RBM20: variants seen among roughly 807,000 people sequenced by gnomAD.
RBM20 encodes RNA-binding protein 20.
RBM20 carries 51 observed loss-of-function variants against 110.1 expected under a neutral mutation model. The ratio of observed to expected loss-of-function variants is 0.46; its 90% CI spans 0.37 to 0.59. RBM20 has a LOEUF of 0.59. Ranked by LOEUF, RBM20 falls within the 20% of genes least tolerant of loss-of-function variation. The pLI is 0.00. For missense variants in RBM20, 1,512 were observed against 1,574.9 expected (o/e 0.96, Z 0.68); for synonymous variants, 589 against 618.2 (o/e 0.95, Z 0.70).
intron 1 of RBM20, among the ~76,000 whole-genome samples, chr10:110,723,644 G>A (rs1843532620): frequency 6.6e-6 from 1 of 152,178 alleles, no homozygotes; most frequent in Admixed American, 6.5e-5. Context: ...GAAACTCATT[G>A]TGGTTTTGAT....
intron 1 of RBM20, among the ~76,000 whole-genome samples, chr10:110,663,227 G>C (rs949545029): frequency 2.6e-5 from 4 of 152,142 alleles, no homozygotes; most frequent in African/African-American, 9.7e-5. Context: ...CAAAGGGCTA[G>C]GATTACAGGC....
chr10:110,649,135 C>T (rs769477046), intron 1 of RBM20, among the ~76,000 whole-genome samples: 1 of 152,050 alleles, frequency 6.6e-6, no homozygotes, highest in Non-Finnish European at 1.5e-5. Context: ...GATCTCTTTG[C>T]CAGTCCTAAT....
chr10:110,822,471 T>C (rs911564217), intron 11 of RBM20: 6 of 456,716 alleles, frequency 1.3e-5, no homozygotes, highest in African/African-American at 1.2e-4. Context: ...ATTCTCTCAC[T>C]CCATTGGAGG....
At chr10:110,695,932 T>C (rs2134884064) in intron 1 of RBM20, among the ~76,000 whole-genome samples, 1 of 152,308 alleles carries the variant, frequency 6.6e-6, no homozygotes, top group Admixed American at 6.5e-5. Context: ...CACTGATGCA[T>C]TGTGATATTT....
chr10:110,759,874 G>A (rs1843972655), intron 1 of RBM20, among the ~76,000 whole-genome samples: 1 of 152,204 alleles, frequency 6.6e-6, no homozygotes, highest in African/African-American at 2.4e-5. Context: ...AAAGGTGTAA[G>A]AAACAAAGCA....
chr10:110,740,348 G>A (rs1409828898), intron 1 of RBM20, among the ~76,000 whole-genome samples: 9 of 152,144 alleles, frequency 5.9e-5, no homozygotes, highest in Admixed American at 5.2e-4. Context: ...TTTAAGTTGG[G>A]TGTTTTTGAA....
At chr10:110,652,484 C>G (rs181815830) in intron 1 of RBM20, among the ~76,000 whole-genome samples, 4 of 152,012 alleles carry the variant, frequency 2.6e-5, no homozygotes, top group African/African-American at 9.7e-5. Context: ...TTTTCCTAAC[C>G]GTCTGTACCT....
Position 110,829,389 on chromosome 10 carries a change from C to T in RBM20, c.3452-1672C>T, listed in dbSNP as rs530086998. On this transcript the variant is annotated intron_variant, in intron 12 of 13. Coordinates refer to ENST00000369519, the MANE Select transcript of RBM20 (RefSeq NM_001134363.3). ...AAGGGAAGGACACTCAACCTCCCTC[C>T]GGGCACCTGGGCCTGAGTGAGGCCC... is the stretch of plus-strand genomic sequence containing the variant. Among the ~76,000 whole-genome samples, 14 of 152,296 alleles carry T rather than the reference C, an allele frequency of 9.2e-5. No individual in the cohort carries two copies. The South Asian group carries it at 1.7e-3, about 18-fold the overall frequency.
At chr10:110,831,216 G>A in intron 13 of RBM20, 34 bp downstream of exon 13, 1 of 1,544,996 alleles carries the variant, frequency 6.5e-7, no homozygotes, top group Non-Finnish European at 8.8e-7. Context: ...AGCATGCCAG[G>A]GGCTCCCCAG....
chr10:110,730,700 C>G (rs1590641496), intron 1 of RBM20, among the ~76,000 whole-genome samples: 1 of 152,236 alleles, frequency 6.6e-6, no homozygotes, highest in East Asian at 1.9e-4. Flanking sequence ...ATTGAGTGCT[C>G]CCTTTCCAAT....
intron 1 of RBM20, among the ~76,000 whole-genome samples, chr10:110,725,795 G>T (rs1843553834): frequency 6.6e-6 from 1 of 152,240 alleles, no homozygotes; most frequent in African/African-American, 2.4e-5. Context: ...CAATTGTATG[G>T]CATATAGCTG....
intron 1 of RBM20, among the ~76,000 whole-genome samples, chr10:110,704,691 T>A (rs1180186546): frequency 6.6e-6 from 1 of 152,140 alleles, no homozygotes; most frequent in East Asian, 1.9e-4. Flanking sequence ...ACATGTGTCA[T>A]CTTAGCTCTG....
In RBM20 at chr10:110,781,868, A is replaced by G. The variant is rs727505308; in HGVS notation, c.1259A>G (p.Lys420Arg). 2.6e-6 allele frequency: 4 copies of G among 1,551,726 alleles called. No homozygotes were observed. Among genetic ancestry groups the G allele is most frequent in the Non-Finnish European group, 2.6e-6 (3 of 1,147,012 alleles). ...CATATCTGTAGCATCTGTGACAAGA[A>G]GGTGTTTGATTTGAAGGTGAGTTGT... ...LPHICSICDKKVFDLKDWELH... is the reference protein window; with the variant it reads ...LPHICSICDKRVFDLKDWELH... Residue 420 changes from lysine (K) to arginine (R), a missense_variant, in exon 2 of 14, where the codon AAG becomes AGG. Around this residue, in one of 3 missense-constraint regions of RBM20, gnomAD observed 1,149 missense variants for 1,169.4 expected, o/e 0.98. Transcript: ENST00000369519.
intron 1 of RBM20, among the ~76,000 whole-genome samples, chr10:110,662,656 A>G (rs1482549332): frequency 6.6e-6 from 1 of 152,258 alleles, no homozygotes; most frequent in Non-Finnish European, 1.5e-5. Context: ...CAATCCTATT[A>G]TAGGATCTAT....
chr10:110,660,390 T>C (rs1461818977), intron 1 of RBM20, among the ~76,000 whole-genome samples: 1 of 152,186 alleles, frequency 6.6e-6, no homozygotes, highest in Admixed American at 6.5e-5. Flanking sequence ...TTTCTTCCAC[T>C]TGTTGTCTTC....
chr10:110,825,018 T>C (rs755686175), intron 12 of RBM20, among the ~76,000 whole-genome samples: 2 of 83,078 alleles, frequency 2.4e-5, no homozygotes, highest in Non-Finnish European at 6.6e-5. Flanking sequence ...GTACCATTTT[T>C]ATAGTCAGAT....
chr10:110,837,873 A>G lies in RBM20; in HGVS notation c.*1895A>G, dbSNP rs1249542257. ...GAGGTTGGAAGAAGCAAGAAACCTG[A>G]ACTCATCATCAGGCTATTAAATAAA... On this transcript the variant is annotated 3_prime_UTR_variant, in exon 14 of 14. Coordinates refer to ENST00000369519, the MANE Select transcript of RBM20 (RefSeq NM_001134363.3). 6.6e-6 allele frequency: 1 copy of G among 152,222 alleles called. No homozygotes were observed. The highest frequency in any genetic ancestry group is 1.5e-5 in the Non-Finnish European group (1 of 68,044). 9.4% of individuals were successfully genotyped at this position (152,222 alleles called of 1,614,324 possible). A position where few individuals can be genotyped will look rare whatever the true frequency, so the allele number is the denominator to read the frequency against.
intron 5 of RBM20, among the ~76,000 whole-genome samples, chr10:110,797,188 G>A (rs896124570): frequency 1.1e-4 from 17 of 152,142 alleles, no homozygotes; most frequent in Admixed American, 6.5e-4. Flanking sequence ...AGCTACTTGG[G>A]AGGCTGAGAT....
In RBM20 at chr10:110,781,138, A is replaced by T. The variant is rs397516621; in HGVS notation, c.529A>T (p.Thr177Ser). 133 of 1,551,560 alleles carry T rather than the reference A, an allele frequency of 8.6e-5. No individual in the cohort carries two copies. In the African/African-American group the frequency reaches 1.5e-3, roughly 17 times the overall value. ...NAIAFSPPSQ[T>S]RGPGPSMNLP... is the part of the protein sequence containing the mutation. ...AATTGCCTTTTCACCCCCCAGCCAG[A>T]CACGAGGCCCCGGACCCTCCATGAA... is the stretch of plus-strand genomic sequence containing the variant. The change falls in exon 2 of 14, where the codon ACA becomes TCA. Residue 177 changes from threonine (T) to serine (S), a missense_variant. By Grantham distance (58) the Thr-to-Ser change is moderately conservative. This residue lies in a region of RBM20 where 1,149 missense variants were observed against 1,169.4 expected (regional missense o/e 0.98). Coordinates refer to ENST00000369519, the MANE Select transcript of RBM20 (RefSeq NM_001134363.3).
Sources: allele counts gnomAD v4.1 joint callset (sites outside exome capture counted in the v4.1 genomes callset), GRCh38; gene constraint gnomAD v4.1.1; regional missense constraint gnomAD v4.1.1; transcripts MANE v1.5; gene names NCBI Gene and HGNC (gene_info 2026-07-23, HGNC 2026-07-21).